Variants in ARHGAP15 observed in about 807,000 individuals in gnomAD.
ARHGAP15 encodes the protein Rho GTPase activating protein 15, also known as rho GTPase-activating protein 15.
ARHGAP15 carries 51 observed loss-of-function variants against 63.7 expected under a neutral mutation model. The ratio of observed to expected loss-of-function variants is 0.80; its 90% confidence interval spans 0.64 to 1.01. The LOEUF is 1.01. ARHGAP15 is among the 50% of genes least tolerant of loss of function. ARHGAP15 has a pLI of 0.00. For synonymous variants in ARHGAP15, 191 were observed against 193.8 expected, an observed-to-expected ratio of 0.99 and a Z score of 0.12; for missense variants, 560 against 564.6, an observed-to-expected ratio of 0.99 and a Z score of 0.08.
intron 12 of ARHGAP15, among the ~76,000 whole-genome samples, chr2:143,650,347 T>C (rs1447067929): frequency 6.6e-6 from 1 of 151,962 alleles, no homozygotes; most frequent in East Asian, 1.9e-4. Context: ...CAGGCCCTAA[T>C]GAGTTCCACC....
At chr2:143,531,011 G>A (rs980330038) in intron 10 of ARHGAP15, among the ~76,000 whole-genome samples, 3 of 152,166 alleles carry the variant, frequency 2.0e-5, no homozygotes, top group African/African-American at 4.8e-5. Flanking sequence ...GGTGAGGAGT[G>A]GACAGTGCAG....
At chr2:143,573,850 A>G (rs1696559748) in intron 11 of ARHGAP15, among the ~76,000 whole-genome samples, 1 of 152,026 alleles carries the variant, frequency 6.6e-6, no homozygotes, top group Non-Finnish European at 1.5e-5. Context: ...TGATGTATAT[A>G]TTTCCCCTAT....
Position 143,202,216 on chromosome 2 carries a change from T to C in ARHGAP15, c.234+14T>C. 6.3e-7 allele frequency: 1 copy of C among 1,595,356 alleles called. No individual in the cohort carries two copies. Among genetic ancestry groups the C allele is most frequent in the South Asian group, 1.1e-5 (1 of 90,678 alleles). ...TTGGAACAACTGGTGAGTGTTTAAG[T>C]CATTATATTCTTCATCTACTGATAC... On this transcript the variant is annotated intron_variant, in intron 3 of 13. Transcript: ENST00000295095.
At chr2:143,474,649 C>A (rs1444321438) in intron 8 of ARHGAP15, among the ~76,000 whole-genome samples, 2 of 152,160 alleles carry the variant, frequency 1.3e-5, no homozygotes, top group Non-Finnish European at 2.9e-5. Context: ...TGGATTGAAC[C>A]TTTATTTCTT....
intron 6 of ARHGAP15, among the ~76,000 whole-genome samples, chr2:143,366,300 A>G (rs1295898025): frequency 6.6e-6 from 1 of 152,124 alleles, no homozygotes; most frequent in Non-Finnish European, 1.5e-5. Flanking sequence ...CAAATAATGT[A>G]GATTGTGGAA....
At chr2:143,581,601 C>T (rs1280316227) in intron 11 of ARHGAP15, among the ~76,000 whole-genome samples, 2 of 152,098 alleles carry the variant, frequency 1.3e-5, no homozygotes, top group East Asian at 3.9e-4. Context: ...GCTTGAATTC[C>T]CTAATAGCAA....
intron 4 of ARHGAP15, among the ~76,000 whole-genome samples, chr2:143,224,768 C>T (rs538974429): frequency 3.7e-4 from 56 of 152,200 alleles, no homozygotes; most frequent in African/African-American, 1.1e-3. Context: ...CAATGCCTTA[C>T]GAGAGAGTCA....
intron 8 of ARHGAP15, among the ~76,000 whole-genome samples, chr2:143,456,263 A>G (rs1690648040): frequency 6.6e-6 from 1 of 152,166 alleles, no homozygotes; most frequent in African/African-American, 2.4e-5. Flanking sequence ...CTGTTAGACC[A>G]AATATAACAG....
chr2:143,637,410 T>C (rs560909155), intron 12 of ARHGAP15, among the ~76,000 whole-genome samples: 2 of 152,176 alleles, frequency 1.3e-5, no homozygotes, highest in East Asian at 3.9e-4. Context: ...AGTTTAAATT[T>C]CCATGCTGAA....
At chr2:143,709,792 C>T (rs1684495550) in intron 13 of ARHGAP15, among the ~76,000 whole-genome samples, 1 of 152,088 alleles carries the variant, frequency 6.6e-6, no homozygotes, top group Non-Finnish European at 1.5e-5. Flanking sequence ...ACAATGGAGA[C>T]AAAATAATTC....
intron 5 of ARHGAP15, among the ~76,000 whole-genome samples, chr2:143,230,062 C>T (rs561684324): frequency 6.6e-6 from 1 of 152,040 alleles, no homozygotes; most frequent in South Asian, 2.1e-4. Context: ...ATAAAGTACC[C>T]CTAAGGGCCA....
intron 9 of ARHGAP15, among the ~76,000 whole-genome samples, chr2:143,497,893 T>A (rs1426854941): frequency 6.6e-6 from 1 of 152,174 alleles, no homozygotes; most frequent in African/African-American, 2.4e-5. Flanking sequence ...AGAGTTCACA[T>A]GGTGTGTATG....
intron 2 of ARHGAP15, among the ~76,000 whole-genome samples, chr2:143,156,596 A>G (rs1394647103): frequency 6.6e-6 from 1 of 151,944 alleles, no homozygotes; most frequent in Non-Finnish European, 1.5e-5. Context: ...GCTGAGTAGC[A>G]TGTTACCAAT....
intron 8 of ARHGAP15, among the ~76,000 whole-genome samples, chr2:143,466,561 G>A (rs1691223869): frequency 6.6e-6 from 1 of 152,110 alleles, no homozygotes; most frequent in Middle Eastern, 3.4e-3. Flanking sequence ...CTGACTCCTA[G>A]TCCAATACTC....
intron 9 of ARHGAP15, among the ~76,000 whole-genome samples, chr2:143,495,965 G>A (rs139444724): frequency 1.1e-4 from 17 of 152,318 alleles, no homozygotes; most frequent in African/African-American, 4.1e-4. Flanking sequence ...ATGCACTAAT[G>A]TGCTTAAAAA....
At chr2:143,494,643 T>G (rs1480007732) in intron 9 of ARHGAP15, among the ~76,000 whole-genome samples, 1 of 152,208 alleles carries the variant, frequency 6.6e-6, no homozygotes, top group Non-Finnish European at 1.5e-5. Flanking sequence ...ATTCTATTTC[T>G]ATCAAATTAG....
intron 11 of ARHGAP15, chr2:143,608,397 A>G (rs1404222575): frequency 1.3e-5 from 2 of 152,216 alleles, no homozygotes; most frequent in African/African-American, 4.8e-5. Flanking sequence ...TCTACTAGAA[A>G]TATTGTCAGT....
intron 8 of ARHGAP15, among the ~76,000 whole-genome samples, chr2:143,445,890 A>G (rs989940591): frequency 1.3e-5 from 2 of 152,222 alleles, no homozygotes; most frequent in South Asian, 4.1e-4. Context: ...AATTACAGTA[A>G]TTTTGATTAT....
intron 6 of ARHGAP15, among the ~76,000 whole-genome samples, chr2:143,328,172 G>C (rs1684342644): frequency 6.6e-6 from 1 of 152,162 alleles, no homozygotes; most frequent in South Asian, 2.1e-4. Flanking sequence ...AACCATTGTG[G>C]AAGACAGTGT....
Sources: allele counts gnomAD v4.1 joint callset (sites outside exome capture counted in the v4.1 genomes callset), GRCh38; gene constraint gnomAD v4.1.1; transcripts MANE v1.5; gene names NCBI Gene and HGNC (gene_info 2026-07-23, HGNC 2026-07-21).